CTNNA1: variants seen among roughly 807,000 people sequenced by gnomAD.
CTNNA1 encodes the protein catenin alpha 1, also known as catenin alpha-1.
Under a neutral mutation model 98.4 loss-of-function variants are expected in CTNNA1, and 37 were observed. That is an observed-to-expected ratio of 0.38 (90% confidence interval 0.29 to 0.49). The LOEUF (loss-of-function observed/expected upper bound fraction) is 0.49. CTNNA1 is among the 20% of genes least tolerant of loss of function. CTNNA1 has a pLI of 0.95. For synonymous variants in CTNNA1, 404 were observed against 413.2 expected (o/e 0.98, Z 0.27); for missense variants, 761 against 1,147.2 (o/e 0.66, Z 4.86).
At chr5:138,792,460 A>G (rs1756484746) in intron 3 of CTNNA1, among the ~76,000 whole-genome samples, 1 of 152,176 alleles carries the variant, frequency 6.6e-6, no homozygotes, top group Non-Finnish European at 1.5e-5. Context: ...ATGTTAAAAG[A>G]CAGCTGTGAT....
At chr5:138,799,596 A>G (rs1376520523) in intron 3 of CTNNA1, among the ~76,000 whole-genome samples, 1 of 151,384 alleles carries the variant, frequency 6.6e-6, no homozygotes, top group Non-Finnish European at 1.5e-5. Context: ...AATGAAACTT[A>G]TTAAACATCT....
chr5:138,923,062 T>C (rs557240725), intron 11 of CTNNA1, among the ~76,000 whole-genome samples: 1 of 152,168 alleles, frequency 6.6e-6, no homozygotes, highest in Non-Finnish European at 1.5e-5. Flanking sequence ...TTAAAATCAA[T>C]GATATGAGAA....
intron 1 of CTNNA1, among the ~76,000 whole-genome samples, chr5:138,766,873 G>A (rs1018363736): frequency 2.0e-5 from 3 of 152,102 alleles, no homozygotes; most frequent in African/African-American, 7.2e-5. Flanking sequence ...GAAGAGGTGG[G>A]GTTTGCTCCT....
At chr5:138,844,590 T>C (rs1360013298) in intron 7 of CTNNA1, among the ~76,000 whole-genome samples, 6 of 152,206 alleles carry the variant, frequency 3.9e-5, no homozygotes, top group Non-Finnish European at 7.3e-5. Context: ...TTAAAAGACA[T>C]AGGGAGCTTT....
chr5:138,809,327 C>G (rs1467588665), intron 3 of CTNNA1, among the ~76,000 whole-genome samples: 1 of 152,156 alleles, frequency 6.6e-6, no homozygotes, highest in African/African-American at 2.4e-5. Context: ...CCAATGATAA[C>G]TATTATTTGC....
chr5:138,767,045 C>CTTTCT (rs1561501739), intron 1 of CTNNA1, among the ~76,000 whole-genome samples: 2 of 151,530 alleles, frequency 1.3e-5, no homozygotes, highest in African/African-American at 2.4e-5. Flanking sequence ...TTCTTTCTTT[C>CTTTCT]TTTTTTTTGA....
At chr5:138,784,888 A>G (rs962359377) in intron 3 of CTNNA1, among the ~76,000 whole-genome samples, 22 of 152,026 alleles carry the variant, frequency 1.4e-4, no homozygotes, top group African/African-American at 5.3e-4. Context: ...TCTTCTTATA[A>G]GGACATCAAC....
At chr5:138,777,127 C>T (rs1320795163) in intron 1 of CTNNA1, among the ~76,000 whole-genome samples, 1 of 151,992 alleles carries the variant, frequency 6.6e-6, no homozygotes, top group Non-Finnish European at 1.5e-5. Flanking sequence ...CGGAGGGTCT[C>T]CTCACTTCTC....
intron 7 of CTNNA1, chr5:138,869,525 T>C (rs1283086237): frequency 6.6e-6 from 1 of 152,320 alleles, no homozygotes; most frequent in East Asian, 1.9e-4. Flanking sequence ...CTTTAACAAA[T>C]TTTATATTGA....
At chr5:138,917,621 C>T in intron 10 of CTNNA1, 121 bp from the exon 11 acceptor site, 2 of 951,672 alleles carry the variant, frequency 2.1e-6, no homozygotes, top group Middle Eastern at 3.5e-4. Context: ...TACACTCTTC[C>T]CCTTCATCTT....
At chr5:138,864,754 T>C (rs1764584123) in intron 7 of CTNNA1, among the ~76,000 whole-genome samples, 1 of 152,178 alleles carries the variant, frequency 6.6e-6, no homozygotes, top group South Asian at 2.1e-4. Flanking sequence ...AGATGTTGTA[T>C]GAAATATGCT....
At chr5:138,753,913 C>T (rs774906504) in intron 1 of CTNNA1, 1 of 153,918 alleles carries the variant, frequency 6.5e-6, no homozygotes, top group East Asian at 1.9e-4. Flanking sequence ...CCCTCGGCCG[C>T]CTTCCTTCCC....
chr5:138,877,944 T>C (rs1183143021), intron 7 of CTNNA1, among the ~76,000 whole-genome samples: 1 of 152,202 alleles, frequency 6.6e-6, no homozygotes, highest in Non-Finnish European at 1.5e-5. Flanking sequence ...GAATGAGTTG[T>C]GTGTTAACAT....
chr5:138,883,399 A>G (rs1753365571), intron 7 of CTNNA1, among the ~76,000 whole-genome samples: 1 of 152,204 alleles, frequency 6.6e-6, no homozygotes, highest in South Asian at 2.1e-4. Context: ...CTGATTAATG[A>G]GGCATAAACC....
chr5:138,776,047 T>TC (rs1554076783), intron 1 of CTNNA1, among the ~76,000 whole-genome samples: 9 of 144,082 alleles, frequency 6.2e-5, no homozygotes, highest in Middle Eastern at 3.6e-3. Context: ...TTCTTTTTTT[T>TC]TTTTTTTTTT....
intron 7 of CTNNA1, among the ~76,000 whole-genome samples, chr5:138,850,177 T>G (rs1763066429): frequency 6.6e-6 from 1 of 152,252 alleles, no homozygotes; most frequent in African/African-American, 2.4e-5. Context: ...CTACCCAGTC[T>G]GATTCCACAT....
rs370673472 is a variant in CTNNA1 at position 138,933,897 on chromosome 5, C to T, written c.2529C>T (p.Tyr843=). ...CATCCTACGTCGCCTCTACCAAATA[C>T]CAAAAGTCACAGGGTATGGCTTCCC... ...VKASYVASTK[Y]QKSQGMASLN... Residue 843 remains tyrosine (Y), a synonymous_variant, in exon 18 of 18, where the codon TAC becomes TAT. Coordinates refer to ENST00000302763, the MANE Select transcript of CTNNA1 (RefSeq NM_001903.5). 3 of 1,614,032 alleles carry T rather than the reference C, an allele frequency of 1.9e-6. No individual in the cohort carries two copies. Among genetic ancestry groups the T allele is most frequent in the African/African-American group, 1.3e-5 (1 of 74,896 alleles).
At chr5:138,858,671 C>T (rs983184802) in intron 7 of CTNNA1, among the ~76,000 whole-genome samples, 3 of 140,468 alleles carry the variant, frequency 2.1e-5, no homozygotes, top group Non-Finnish European at 3.0e-5. Context: ...TCTTGGCTCA[C>T]TGCAACCTCC....
intron 3 of CTNNA1, among the ~76,000 whole-genome samples, chr5:138,798,581 A>G (rs961259607): frequency 6.6e-6 from 1 of 152,146 alleles, no homozygotes; most frequent in Non-Finnish European, 1.5e-5. Context: ...GAATTTACTC[A>G]TGATATTTGA....
Sources: gnomAD v4.1 joint callset for allele counts (sites outside exome capture counted in the v4.1 genomes callset) on GRCh38, gnomAD v4.1.1 for gene constraint, MANE v1.5 for transcripts, NCBI Gene and HGNC (gene_info 2026-07-23, HGNC 2026-07-21) for gene names.